Variants in MCTP1 observed in about 807,000 individuals in gnomAD.
The protein encoded by MCTP1 is multiple C2 and transmembrane domain-containing protein 1.
In MCTP1, 69 loss-of-function variants were observed where a neutral mutation model predicts 120.6. The observed-to-expected ratio is 0.57, with a 90% CI of 0.47 to 0.70. MCTP1 has a LOEUF of 0.70. MCTP1 is among the 30% of genes least tolerant of loss of function. The probability of loss-of-function intolerance (pLI) is 0.00; values close to 1 mark genes in which losing one functional copy is unlikely to be tolerated. For synonymous variants in MCTP1, 529 were observed against 493.1 expected (o/e 1.07, Z -0.96); for missense variants, 1,203 against 1,248.8 (o/e 0.96, Z 0.55).
intron 1 of MCTP1, among the ~76,000 whole-genome samples, chr5:95,211,354 C>T (rs1330098643): frequency 6.6e-6 from 1 of 152,172 alleles, no homozygotes; most frequent in Non-Finnish European, 1.5e-5. Flanking sequence ...TCCCATAATT[C>T]TTGGAGGCTT....
At chr5:95,279,622 G>C (rs1369666433) in intron 1 of MCTP1, among the ~76,000 whole-genome samples, 2 of 152,146 alleles carry the variant, frequency 1.3e-5, no homozygotes, top group Admixed American at 6.5e-5. Flanking sequence ...TTGAACACTT[G>C]CTATAGTTTA....
At chr5:94,799,167 C>A in intron 17 of MCTP1, 35 bp from the exon 18 acceptor site, 3 of 1,594,500 alleles carry the variant, frequency 1.9e-6, no homozygotes, top group South Asian at 2.3e-5. Context: ...AGGGATGAGT[C>A]AACACTGAAT....
chr5:95,165,186 G>A (rs1746184571), intron 1 of MCTP1, among the ~76,000 whole-genome samples: 1 of 152,192 alleles, frequency 6.6e-6, no homozygotes, highest in South Asian at 2.1e-4. Flanking sequence ...TTGGTGAAAA[G>A]TCTGTGCCTC....
intron 1 of MCTP1, among the ~76,000 whole-genome samples, chr5:95,211,035 G>A (rs550016029): frequency 2.2e-4 from 33 of 151,918 alleles, no homozygotes; most frequent in Middle Eastern, 3.4e-3. Flanking sequence ...AGTTTCTGCC[G>A]AGAGATCCAC....
chr5:94,854,915 TA>T (rs1419058191), intron 17 of MCTP1, among the ~76,000 whole-genome samples: 2 of 151,926 alleles, frequency 1.3e-5, no homozygotes, highest in African/African-American at 4.8e-5. Context: ...CAATCTCATG[TA>T]GAGACTTGAA....
At chr5:95,164,300 C>A (rs974942462) in intron 1 of MCTP1, among the ~76,000 whole-genome samples, 4 of 150,514 alleles carry the variant, frequency 2.7e-5, no homozygotes, top group South Asian at 2.1e-4. Context: ...TTATTCACAT[C>A]AAAAAAAAAG....
intron 6 of MCTP1, among the ~76,000 whole-genome samples, chr5:94,924,857 T>G (rs988665237): frequency 2.0e-5 from 3 of 152,198 alleles, no homozygotes; most frequent in Non-Finnish European, 4.4e-5. Flanking sequence ...GCAACTTCCT[T>G]GATTATTCTA....
At chr5:95,060,240 G>C (rs1748578074) in intron 1 of MCTP1, among the ~76,000 whole-genome samples, 1 of 152,072 alleles carries the variant, frequency 6.6e-6, no homozygotes, top group South Asian at 2.1e-4. Context: ...AGCTAGAGGG[G>C]AACATAATCT....
At chr5:95,061,408 GTTTTTTTTTTT>G (rs556663513) in intron 1 of MCTP1, among the ~76,000 whole-genome samples, 534 of 33,278 alleles carry the variant, frequency 0.016, 19 homozygotes, top group African/African-American at 0.039. Context: ...CCCCTTAAGG[GTTTTTTTTTTT>G]TTTTTTTTTT....
At chr5:94,971,483 T>C (rs1826853371) in intron 2 of MCTP1, among the ~76,000 whole-genome samples, 1 of 152,274 alleles carries the variant, frequency 6.6e-6, no homozygotes, top group East Asian at 1.9e-4. Flanking sequence ...AGAAGTGTTT[T>C]AATTTCTGAA....
intron 1 of MCTP1, among the ~76,000 whole-genome samples, chr5:95,175,435 A>G (rs1425274902): frequency 6.6e-6 from 1 of 152,212 alleles, no homozygotes; most frequent in Admixed American, 6.5e-5. Context: ...TGTTTCAACA[A>G]ACATTGGTAC....
At chr5:94,895,624 G>A (rs921565705) in intron 10 of MCTP1, among the ~76,000 whole-genome samples, 1 of 152,214 alleles carries the variant, frequency 6.6e-6, no homozygotes, top group Non-Finnish European at 1.5e-5. Context: ...AAGAATAAAT[G>A]TGGTAACCTA....
At chr5:95,257,144 A>G (rs948552997) in intron 1 of MCTP1, among the ~76,000 whole-genome samples, 2 of 152,186 alleles carry the variant, frequency 1.3e-5, no homozygotes, top group African/African-American at 2.4e-5. Flanking sequence ...ACATTTAACA[A>G]TATTGTGGTT....
intron 19 of MCTP1, among the ~76,000 whole-genome samples, chr5:94,766,564 C>G (rs1772778472): frequency 6.6e-6 from 1 of 151,916 alleles, no homozygotes; most frequent in Non-Finnish European, 1.5e-5. Flanking sequence ...GGAGATATAC[C>G]TAATGCTAAA....
At chr5:95,062,708 G>C (rs768409635) in intron 1 of MCTP1, among the ~76,000 whole-genome samples, 1 of 152,172 alleles carries the variant, frequency 6.6e-6, no homozygotes, top group African/African-American at 2.4e-5. Flanking sequence ...TAGGCACACA[G>C]AAATACATTC....
intron 1 of MCTP1, among the ~76,000 whole-genome samples, chr5:95,197,026 G>A (rs985055843): frequency 1.3e-5 from 2 of 152,096 alleles, no homozygotes; most frequent in Non-Finnish European, 2.9e-5. Context: ...ACTGGCTTTT[G>A]TTTTTAGTAC....
chr5:94,725,517 C>T (rs577992485), intron 19 of MCTP1, among the ~76,000 whole-genome samples: 13 of 152,208 alleles, frequency 8.5e-5, no homozygotes, highest in Middle Eastern at 3.4e-3. Flanking sequence ...GTAGGATGTA[C>T]GTTTGTTTTT....
chr5:95,064,985 T>C (rs938486085), intron 1 of MCTP1, among the ~76,000 whole-genome samples: 6 of 152,206 alleles, frequency 3.9e-5, no homozygotes, highest in African/African-American at 1.4e-4. Context: ...GGACATTATA[T>C]CATGTTTCTG....
intron 19 of MCTP1, among the ~76,000 whole-genome samples, chr5:94,723,158 A>T (rs1306600924): frequency 6.6e-6 from 1 of 152,148 alleles, no homozygotes. Flanking sequence ...ATCTTATCTA[A>T]GTGTCTTACT....
Sources: gnomAD v4.1 joint callset for allele counts (sites outside exome capture counted in the v4.1 genomes callset) on GRCh38, gnomAD v4.1.1 for gene constraint, MANE v1.5 for transcripts, NCBI Gene and HGNC (gene_info 2026-07-23, HGNC 2026-07-21) for gene names.